KIAA1217: variants seen among roughly 807,000 people sequenced by gnomAD.
The protein encoded by KIAA1217 is sickle tail protein homolog.
Under a neutral mutation model 163.9 loss-of-function variants are expected in KIAA1217, and 88 were observed. The observed-to-expected ratio is 0.54, with a 90% confidence interval of 0.45 to 0.64. The LOEUF is 0.64. Among genes scored for constraint, KIAA1217 ranks in the 30% least tolerant of loss-of-function variants. The pLI is 0.00. For synonymous variants in KIAA1217, 903 were observed against 923.1 expected, an observed-to-expected ratio of 0.98 and a Z score of 0.39; for missense variants, 2,372 against 2,475.0, an observed-to-expected ratio of 0.96 and a Z score of 0.88.
chr10:24,064,735 C>T (rs1305326764), intron 2 of KIAA1217, among the ~76,000 whole-genome samples: 1 of 152,126 alleles, frequency 6.6e-6, no homozygotes, highest in Non-Finnish European at 1.5e-5. Flanking sequence ...CCTCCTTGTA[C>T]CTCTGGTAGA....
At chr10:24,203,829 A>T (rs751764557), upstream of KIAA1217, among the ~76,000 whole-genome samples, 1 of 152,148 alleles carries the variant, frequency 6.6e-6, no homozygotes, top group Non-Finnish European at 1.5e-5. Context: ...GAGCAGATAC[A>T]TGTTACACTT....
Position 24,474,035 on chromosome 10 carries a change from A to G in KIAA1217, c.1654A>G (p.Thr552Ala), listed in dbSNP as rs1334073185. The G allele has an allele frequency of 9.3e-6, 15 of 1,609,102 alleles. No individual in the cohort carries two copies. The highest frequency in any genetic ancestry group is 1.7e-5 in the Admixed American group (1 of 59,534). The change falls in exon 6 of 21, where the codon ACA becomes GCA. Residue 552 changes from threonine to alanine, a missense_variant. Physicochemically the swap from Thr to Ala is moderately conservative, Grantham distance 58. Around this residue, in one of 3 missense-constraint regions of KIAA1217, gnomAD observed 1,431 missense variants for 1,470.3 expected, o/e 0.97. Coordinates refer to ENST00000376454, the MANE Select transcript of KIAA1217 (RefSeq NM_019590.5). ...GCAAGTTTTTGCCTACAGCACGGCG[A>G]CAATACCCAAAGACAGAGAGACCAG... is the stretch of plus-strand genomic sequence containing the variant. ...EKQVFAYSTATIPKDRETRER... is the reference protein window; with the variant it reads ...EKQVFAYSTAAIPKDRETRER...
intron 2 of KIAA1217, among the ~76,000 whole-genome samples, chr10:24,365,967 A>C (rs1400845556): frequency 6.6e-6 from 1 of 152,174 alleles, no homozygotes; most frequent in Non-Finnish European, 1.5e-5. Context: ...AGAGGCTCCT[A>C]TATGTTACTA....
chr10:24,171,772 A>G (rs2065639495), intron 2 of KIAA1217, among the ~76,000 whole-genome samples: 1 of 152,198 alleles, frequency 6.6e-6, no homozygotes, highest in African/African-American at 2.4e-5. Flanking sequence ...GGACAACAAG[A>G]GCAAAACTCC....
Position 24,117,053 on chromosome 10 carries a change from G to C in KIAA1217, c.-170-102573G>C, listed in dbSNP as rs373206566. Among the ~76,000 whole-genome samples the C allele has an allele frequency of 5.3e-3, 807 of 151,512 alleles. 13 individuals carry two copies. The highest frequency in any genetic ancestry group is 0.019 in the African/African-American group (782 of 41,190). On this transcript the variant is annotated intron_variant, in intron 2 of 18. Transcript: ENST00000376462. The stretch of plus-strand genomic sequence containing the variant: ...AAATAGTGTTTTTTTTTTGGGTGGG[G>C]GGGGATGGAGTTTTGCTCTTGTTGC...
chr10:24,055,595 G>A (rs74123617), intron 2 of KIAA1217, among the ~76,000 whole-genome samples: 7,867 of 152,156 alleles, frequency 0.052, 272 homozygotes, highest in African/African-American at 0.1. Context: ...GTATTTGTGT[G>A]GCTGTCCTTC....
chr10:24,222,704 T>C (rs554438792), intron 2 of KIAA1217, among the ~76,000 whole-genome samples: 7 of 152,176 alleles, frequency 4.6e-5, no homozygotes, highest in Admixed American at 4.6e-4. Context: ...GAGACGGTGT[T>C]TTACCATGTT....
chr10:24,520,056 C>T (rs988688880), intron 10 of KIAA1217, 67 bp from the exon 11 acceptor site: 8 of 1,522,498 alleles, frequency 5.3e-6, no homozygotes, highest in African/African-American at 1.4e-5. Flanking sequence ...GACGGGCACT[C>T]GGCCCCTCCT....
chr10:24,411,000 C>T (rs35648413), intron 3 of KIAA1217, among the ~76,000 whole-genome samples: 13,987 of 152,140 alleles, frequency 0.092, 649 homozygotes, highest in East Asian at 0.12. Flanking sequence ...TTCTTTTTTT[C>T]CTCTCAATTC....
chr10:24,202,401 G>A (rs914858478), intron 2 of KIAA1217, among the ~76,000 whole-genome samples: 1 of 152,122 alleles, frequency 6.6e-6, no homozygotes, highest in African/African-American at 2.4e-5. Flanking sequence ...AGAGCGGTCA[G>A]GAAACTCCCT....
intron 1 of KIAA1217, among the ~76,000 whole-genome samples, chr10:23,928,287 T>C (rs1192596456): frequency 6.6e-6 from 1 of 152,218 alleles, no homozygotes; most frequent in Non-Finnish European, 1.5e-5. Context: ...GCTCTTTCTT[T>C]GAAAGCAAAT....
At chr10:24,200,464 A>C (rs1253706843) in intron 2 of KIAA1217, among the ~76,000 whole-genome samples, 2 of 152,024 alleles carry the variant, frequency 1.3e-5, no homozygotes, top group East Asian at 3.9e-4. Flanking sequence ...CCACTGAGCC[A>C]CTGTGCCACT....
At chr10:24,476,591 C>T (rs896795250) in intron 6 of KIAA1217, among the ~76,000 whole-genome samples, 1 of 152,116 alleles carries the variant, frequency 6.6e-6, no homozygotes, top group Non-Finnish European at 1.5e-5. Context: ...GTCATTATCA[C>T]CAGTGTATTC....
chr10:24,475,659 C>T (rs2063938345), intron 6 of KIAA1217, among the ~76,000 whole-genome samples: 1 of 152,128 alleles, frequency 6.6e-6, no homozygotes, highest in African/African-American at 2.4e-5. Flanking sequence ...TTCCAAAGTC[C>T]TCATGAAGTG....
chr10:24,516,425 C>T (rs2070176299), intron 10 of KIAA1217, among the ~76,000 whole-genome samples: 2 of 152,214 alleles, frequency 1.3e-5, no homozygotes, highest in Non-Finnish European at 2.9e-5. Context: ...GTAAGAGAAA[C>T]CTGGATTTCT....
chr10:23,770,511 G>C (rs1274644474), intron 1 of KIAA1217, among the ~76,000 whole-genome samples: 1 of 152,166 alleles, frequency 6.6e-6, no homozygotes, highest in East Asian at 1.9e-4. Flanking sequence ...ACAAGAGCTG[G>C]TGACACACAA....
intron 8 of KIAA1217, among the ~76,000 whole-genome samples, chr10:24,498,093 G>A (rs1337455165): frequency 2.0e-5 from 3 of 152,116 alleles, no homozygotes; most frequent in African/African-American, 2.4e-5. Context: ...GCGTGAAGGC[G>A]TTAGTATGTG....
intron 5 of KIAA1217, among the ~76,000 whole-genome samples, chr10:24,465,012 T>C (rs2062793706): frequency 6.6e-6 from 1 of 152,154 alleles, no homozygotes; most frequent in African/African-American, 2.4e-5. Context: ...CTTTGGAGGA[T>C]GTGATAGGGG....
chr10:24,317,788 A>G (rs1302862506), intron 2 of KIAA1217, among the ~76,000 whole-genome samples: 4 of 152,222 alleles, frequency 2.6e-5, no homozygotes. Flanking sequence ...CCGTTTATTA[A>G]GTAGTAAAGC....
Sources: gnomAD v4.1 joint callset for allele counts (sites outside exome capture counted in the v4.1 genomes callset) on GRCh38, gnomAD v4.1.1 for gene constraint, gnomAD v4.1.1 regional missense constraint, MANE v1.5 for transcripts, NCBI Gene and HGNC (gene_info 2026-07-23, HGNC 2026-07-21) for gene names.